Variants in BLK observed in about 807,000 individuals in gnomAD.
BLK encodes BLK proto-oncogene, Src family tyrosine kinase.
BLK carries 64 observed loss-of-function variants against 61.8 expected under a neutral mutation model. That is an observed-to-expected ratio of 1.03 (90% CI 0.85 to 1.27). BLK has a LOEUF of 1.27. Ranked by LOEUF, BLK falls within the 50% of genes most tolerant of loss-of-function variation. The pLI is 0.00. For synonymous variants in BLK, 351 were observed against 272.0 expected (o/e 1.29, Z -2.86); for missense variants, 853 against 660.5 (o/e 1.29, Z -3.19).
intron 1 of BLK, among the ~76,000 whole-genome samples, chr8:11,530,277 T>C (rs572477942): frequency 6.6e-6 from 1 of 152,344 alleles, no homozygotes; most frequent in Admixed American, 6.5e-5. Flanking sequence ...GGTGAATTCC[T>C]TTCTTCTTGA....
At chr8:11,503,513 C>T (rs1053303660) in intron 1 of BLK, among the ~76,000 whole-genome samples, 2 of 152,188 alleles carry the variant, frequency 1.3e-5, no homozygotes, top group Non-Finnish European at 2.9e-5. Flanking sequence ...TCTGCTCCAT[C>T]CTGTGCCCAA....
chr8:11,525,740 G>A (rs1238305505), intron 1 of BLK, among the ~76,000 whole-genome samples: 1 of 152,164 alleles, frequency 6.6e-6, no homozygotes, highest in Non-Finnish European at 1.5e-5. Context: ...AGCAGCTTTT[G>A]TGGGGTTTTT....
intron 8 of BLK, 104 bp from the exon 9 acceptor site, chr8:11,556,554 T>A: frequency 7.2e-7 from 1 of 1,394,600 alleles, no homozygotes; most frequent in East Asian, 2.3e-5. Context: ...CTCTGGCACC[T>A]GGAATGGGGT....
intron 2 of BLK, among the ~76,000 whole-genome samples, chr8:11,543,734 A>AT (rs1351475087): frequency 1.3e-5 from 2 of 152,206 alleles, no homozygotes; most frequent in Non-Finnish European, 2.9e-5. Flanking sequence ...CTTTCCTGGG[A>AT]TAAGCATCAT....
At chr8:11,555,582 C>A (rs1801170640) in intron 8 of BLK, 98 bp downstream of exon 8, 3 of 1,561,924 alleles carry the variant, frequency 1.9e-6, no homozygotes, top group South Asian at 1.1e-5. Flanking sequence ...CATCCCTCCC[C>A]CAGAAGTCTT....
At chr8:11,535,300 G>GAAAGAAAA (rs1800080966) in intron 1 of BLK, among the ~76,000 whole-genome samples, 3 of 144,322 alleles carry the variant, frequency 2.1e-5, no homozygotes, top group African/African-American at 7.6e-5. Context: ...AAGAAAGAAA[G>GAAAGAAAA]AAAGAAAGAA....
intron 1 of BLK, among the ~76,000 whole-genome samples, chr8:11,533,659 G>T (rs910018208): frequency 4.0e-5 from 6 of 149,182 alleles, no homozygotes; most frequent in Non-Finnish European, 9.0e-5. Context: ...GAGACGGAGG[G>T]GGAGAGGGAG....
In BLK at chr8:11,561,386, T is replaced by C. The variant is rs927397531; in HGVS notation, c.1114T>C (p.Leu372=). The change falls in exon 11 of 13, where the codon TTG becomes CTG. Residue 372 remains leucine (L), a synonymous_variant. Coordinates refer to ENST00000259089, the MANE Select transcript of BLK (RefSeq NM_001715.3). ...GGCCAACATCCTGGTGTCTGAGGCC[T>C]TGTGCTGCAAAATTGCTGATTTTGG... ...RAANILVSEA[L]CCKIADFGLA... The C allele has an allele frequency of 1.9e-6, 3 of 1,614,110 alleles. No homozygotes were observed. The highest frequency in any genetic ancestry group is 2.5e-6 in the Non-Finnish European group (3 of 1,179,998).
intron 9 of BLK, 125 bp from the exon 10 acceptor site, chr8:11,557,835 CGA>C (rs544975094): frequency 1.4e-5 from 11 of 767,090 alleles, no homozygotes; most frequent in South Asian, 1.3e-4. Context: ...CCTGATGCAC[CGA>C]GAGATCTGAG....
chr8:11,550,077 G>A lies in BLK; in HGVS notation c.369-82G>A. The A allele has an allele frequency of 2.5e-6, 3 of 1,216,332 alleles. No individual in the cohort carries two copies. The South Asian group carries it at 3.6e-5, about 15-fold the overall frequency. The allele number at this position is 1,216,332 out of a possible 1,614,324, so 75.3% of individuals were successfully genotyped here. A position where few individuals can be genotyped will look rare whatever the true frequency, so the allele number is the denominator to read the frequency against. ...GCTAGATTTTTATTTCTTGGGGACA[G>A]GCAGTGCAGGAGGGAGGCTGTGTGG... On this transcript the variant is annotated intron_variant, in intron 5 of 12. Transcript: ENST00000259089.
chr8:11,495,327 T>C (rs1193632569), intron 1 of BLK, among the ~76,000 whole-genome samples: 1 of 151,704 alleles, frequency 6.6e-6, no homozygotes, highest in Non-Finnish European at 1.5e-5. Context: ...ACAGAAGAAA[T>C]TGCTGTGATA....
In BLK at chr8:11,512,243, C is replaced by G. The variant is rs575218174; in HGVS notation, c.-2+17652C>G. ...GGTGATGTGTGGATGACCTCGTGAA[C>G]GAAGACTAGTTCTTCAAGCAGACCT... On this transcript the variant is annotated intron_variant, in intron 1 of 12. Transcript: ENST00000259089. 3.3e-5 allele frequency among the ~76,000 whole-genome samples: 5 copies of G among 152,284 alleles called. No homozygotes were observed. In the South Asian group the frequency reaches 8.3e-4, roughly 25 times the overall value.
intron 4 of BLK, 103 bp downstream of exon 4, chr8:11,548,228 T>A: frequency 3.0e-6 from 3 of 1,011,388 alleles, no homozygotes; most frequent in Non-Finnish European, 4.6e-6. Flanking sequence ...CTGGAAGTCT[T>A]CTCCATCGCC....
At chr8:11,562,760 C>T (rs1356195065) in intron 11 of BLK, among the ~76,000 whole-genome samples, 1 of 152,160 alleles carries the variant, frequency 6.6e-6, no homozygotes, top group Non-Finnish European at 1.5e-5. Flanking sequence ...TATTGGTGTC[C>T]ATATCGTCTT....
At chr8:11,545,266 C>T (rs554881959) in intron 2 of BLK, among the ~76,000 whole-genome samples, 3 of 152,108 alleles carry the variant, frequency 2.0e-5, no homozygotes, top group African/African-American at 4.8e-5. Context: ...GTTTATGTAT[C>T]GGTCGGGCAT....
chr8:11,528,045 C>T (rs1331838815), intron 1 of BLK, among the ~76,000 whole-genome samples: 1 of 151,978 alleles, frequency 6.6e-6, no homozygotes, highest in Non-Finnish European at 1.5e-5. Flanking sequence ...ATCATCCTTG[C>T]TTTTTCTTTG....
At chr8:11,560,900 T>A (rs1801476343) in intron 10 of BLK, 1 of 468,684 alleles carries the variant, frequency 2.1e-6, no homozygotes, top group Non-Finnish European at 4.3e-6. Flanking sequence ...GAGCTGTGCT[T>A]CCAGCCAGCC....
At chr8:11,508,948 T>G (rs1266362231) in intron 1 of BLK, among the ~76,000 whole-genome samples, 1 of 152,094 alleles carries the variant, frequency 6.6e-6, no homozygotes, top group African/African-American at 2.4e-5. Flanking sequence ...CTTTTGTGCC[T>G]CCTACTCATC....
At chr8:11,563,369 C>T (rs967131638) in intron 12 of BLK, among the ~76,000 whole-genome samples, 2 of 152,226 alleles carry the variant, frequency 1.3e-5, no homozygotes, top group African/African-American at 2.4e-5. Flanking sequence ...AGGGCACATC[C>T]GAACTCAAGT....
Sources: gnomAD v4.1 joint callset for allele counts (sites outside exome capture counted in the v4.1 genomes callset) on GRCh38, gnomAD v4.1.1 for gene constraint, MANE v1.5 for transcripts, NCBI Gene and HGNC (gene_info 2026-07-23, HGNC 2026-07-21) for gene names.